Variants in RYR1 observed in about 807,000 individuals in gnomAD.
RYR1 encodes ryanodine receptor 1.
A neutral mutation model predicts 583.5 loss-of-function variants in RYR1; 342 were observed. The ratio of observed to expected loss-of-function variants is 0.59; its 90% CI spans 0.54 to 0.64. The LOEUF is 0.64. Among genes scored for constraint, RYR1 ranks in the 30% least tolerant of loss-of-function variants. The pLI is 0.00. For missense variants in RYR1, 6,032 were observed against 6,917.2 expected (o/e 0.87, Z 4.54); for synonymous variants, 2,791 against 2,822.5 (o/e 0.99, Z 0.35).
chr19:38,566,588 C>T (rs989262957), intron 91 of RYR1, among the ~76,000 whole-genome samples: 4 of 151,424 alleles, frequency 2.6e-5, no homozygotes, highest in African/African-American at 7.3e-5. Flanking sequence ...GAGGAAGGGA[C>T]CCCAAACATC....
chr19:38,555,873 CT>C (rs1245540238), intron 89 of RYR1, among the ~76,000 whole-genome samples: 1 of 151,766 alleles, frequency 6.6e-6, no homozygotes, highest in African/African-American at 2.4e-5. Flanking sequence ...AAATTTTCTT[CT>C]TTTTTTTGAG....
intron 99 of RYR1, 25 bp from the exon 100 acceptor site, chr19:38,579,957 G>C: frequency 1.2e-6 from 2 of 1,613,888 alleles, no homozygotes; most frequent in Non-Finnish European, 1.7e-6. Flanking sequence ...CCTTCCCCCT[G>C]ACCCCTGGCC....
intron 64 of RYR1, 63 bp downstream of exon 64, chr19:38,515,170 G>C (rs1568525233): frequency 8.0e-6 from 9 of 1,124,048 alleles, no homozygotes; most frequent in Non-Finnish European, 1.1e-5. Flanking sequence ...GGGAGCAGGG[G>C]AAGAAGATGG....
chr19:38,434,786 C>A (rs1348524711), intron 1 of RYR1, among the ~76,000 whole-genome samples: 1 of 152,096 alleles, frequency 6.6e-6, no homozygotes, highest in Non-Finnish European at 1.5e-5. Flanking sequence ...TGGGAGGGGA[C>A]GTCCTCTCCT....
At position 38,587,417 on chromosome 19, in the gene RYR1, C is replaced by T. The variant is rs1599679866; in HGVS notation, c.15114C>T (p.Ser5038=). 1.2e-6 allele frequency: 2 copies of T among 1,613,064 alleles called. No homozygotes were observed. Among genetic ancestry groups the T allele is most frequent in the Non-Finnish European group, 1.7e-6 (2 of 1,179,096 alleles). ...CFRKQYEDQL[S] is the part of the protein sequence containing the mutation. The stretch of plus-strand genomic sequence containing the variant: ...GTAAGCAGTATGAGGACCAGCTTAG[C>T]TGACACACCCCCAGCTGGCCCTCCA... The change falls in exon 106 of 106, where the codon AGC becomes AGT. Residue 5038 remains serine (S), a synonymous_variant. Transcript: ENST00000359596.
chr19:38,511,462 C>G, intron 60 of RYR1, 99 bp from the exon 61 acceptor site: 1 of 1,269,890 alleles, frequency 7.9e-7, no homozygotes, highest in South Asian at 1.2e-5. Flanking sequence ...TCCTTGTCTT[C>G]TCTGTCCCTG....
intron 71 of RYR1, 85 bp from the exon 72 acceptor site, chr19:38,526,908 G>A (rs1462916116): frequency 6.9e-7 from 1 of 1,446,074 alleles, no homozygotes; most frequent in African/African-American, 1.4e-5. Context: ...CAGTTCCTGG[G>A]GTGCTGGGCC....
At position 38,523,033 on chromosome 19, in the gene RYR1, A is replaced by G; in HGVS notation, c.10265A>G (p.Gln3422Arg). 5 of 1,588,912 alleles carry G rather than the reference A, an allele frequency of 3.1e-6. No homozygotes were observed. Among genetic ancestry groups the G allele is most frequent in the Non-Finnish European group, 2.6e-6 (3 of 1,169,146 alleles). Residue 3422 changes from glutamine to arginine, a missense_variant, in exon 68 of 106, where the codon CAG becomes CGG. Gln to Arg is a conservative substitution (Grantham distance 43, BLOSUM62 1). Around this residue, in one of 11 missense-constraint regions of RYR1, gnomAD observed 1,493 missense variants for 1,715.5 expected, o/e 0.87. Transcript: ENST00000359596. ...LIRYVDNNRA[Q>R]WLTEPNPSAE... Reference sequence around the variant, plus strand: ...CTCCCCTCCGCTGACCCCAGGGCGCAGTGGCTGACGGAGCCGAATCCCAGC... The same window carrying G: ...CTCCCCTCCGCTGACCCCAGGGCGCGGTGGCTGACGGAGCCGAATCCCAGC...
In RYR1 at chr19:38,469,360, C is replaced by T; in HGVS notation, c.3612C>T (p.Gly1204=). 6.2e-7 allele frequency: 1 copy of T among 1,614,082 alleles called. No homozygotes were observed. Among genetic ancestry groups the T allele is most frequent in the Non-Finnish European group, 8.5e-7 (1 of 1,180,026 alleles). ...GCCAGGTGGGTCATCTGAACCTGGG[C>T]CAGGACGTGAGCTCTCTGAGGTTCT... ...GPGQVGHLNL[G]QDVSSLRFFA... Residue 1204 remains glycine, a synonymous_variant, in exon 27 of 106, where the codon GGC becomes GGT. Coordinates refer to ENST00000359596, the MANE Select transcript of RYR1 (RefSeq NM_000540.3).
intron 90 of RYR1, among the ~76,000 whole-genome samples, chr19:38,563,345 A>G (rs938953062): frequency 4.0e-5 from 6 of 151,242 alleles, no homozygotes; most frequent in South Asian, 2.1e-4. Flanking sequence ...AGCTCACTCA[A>G]CCTCCACCTC....
chr19:38,586,085 T>C lies in RYR1; in HGVS notation c.14869-6T>C. 1 of 1,614,110 alleles carries C rather than the reference T, an allele frequency of 6.2e-7. No individual in the cohort carries two copies. The highest frequency in any genetic ancestry group is 8.5e-7 in the Non-Finnish European group (1 of 1,179,988). Reference sequence around the variant, plus strand: ...CCTCCACTCTGATGTCTCTTGCCACTCACAGACCAAGTGCTTCATCTGTGG... The same window carrying C: ...CCTCCACTCTGATGTCTCTTGCCACCCACAGACCAAGTGCTTCATCTGTGG... On this transcript the variant is annotated splice_polypyrimidine_tract_variant and splice_region_variant and intron_variant, in intron 103 of 105. Transcript: ENST00000359596.
rs1600694941 is a variant in RYR1 at position 38,461,418 on chromosome 19, C to T, written c.2577+827C>T. On this transcript the variant is annotated intron_variant, in intron 20 of 105. Coordinates refer to ENST00000359596, the MANE Select transcript of RYR1 (RefSeq NM_000540.3). ...GCAAAGGATTCTGTCAGAGCAGAAT[C>T]GCAGTCTCAGGGAGTCCTCACCACT... 6.6e-5 allele frequency among the ~76,000 whole-genome samples: 10 copies of T among 152,102 alleles called. No homozygotes were observed. In the South Asian group the frequency reaches 1.0e-3, roughly 16 times the overall value.
intron 90 of RYR1, among the ~76,000 whole-genome samples, chr19:38,562,113 A>C (rs1165179153): frequency 2.0e-5 from 3 of 151,766 alleles, no homozygotes; most frequent in Non-Finnish European, 4.4e-5. Context: ...GGCATGCTTC[A>C]TTTGTTCACT....
rs56366421 is a variant in RYR1 at position 38,572,435 on chromosome 19, A to G, written c.13998+165A>G. On this transcript the variant is annotated intron_variant, in intron 95 of 105. Coordinates refer to ENST00000359596, the MANE Select transcript of RYR1 (RefSeq NM_000540.3). ...AACTGGGTACAGGATTGGGGTCTCC[A>G]GCAAGGATGACAGGGGTCTCCAGTA... 0.014 allele frequency among the ~76,000 whole-genome samples: 2,114 copies of G among 152,150 alleles called. 50 individuals carry two copies. Among genetic ancestry groups the G allele is most frequent in the African/African-American group, 0.047 (1,940 of 41,482 alleles).
chr19:38,510,816 A>G, intron 60 of RYR1, 35 bp downstream of exon 60: 1 of 1,613,484 alleles, frequency 6.2e-7, no homozygotes, highest in Non-Finnish European at 8.5e-7. Flanking sequence ...CAGCCCCCTG[A>G]CCTCACAGGA....
intron 34 of RYR1, 83 bp downstream of exon 34, chr19:38,486,285 CTATT>C (rs1392423937): frequency 2.3e-5 from 34 of 1,508,290 alleles, no homozygotes; most frequent in Non-Finnish European, 3.1e-5. Flanking sequence ...CAATCCTCCT[CTATT>C]TATGCATCCA....
chr19:38,453,939 C>T (rs1403228875), intron 13 of RYR1, among the ~76,000 whole-genome samples: 4 of 152,102 alleles, frequency 2.6e-5, no homozygotes, highest in Admixed American at 2.0e-4. Flanking sequence ...GTGGCAGAGC[C>T]GGTCAGTGTG....
chr19:38,571,933 A>C, intron 94 of RYR1, 86 bp from the exon 95 acceptor site: 2 of 1,582,560 alleles, frequency 1.3e-6, no homozygotes, highest in Non-Finnish European at 1.7e-6. Context: ...GTATGGTCCC[A>C]GTCCAATCTC....
At chr19:38,478,918 C>T (rs1261007420) in intron 31 of RYR1, among the ~76,000 whole-genome samples, 4 of 152,170 alleles carry the variant, frequency 2.6e-5, no homozygotes, top group Non-Finnish European at 4.4e-5. Flanking sequence ...CAGGCGAGCA[C>T]CACAACAGCC....
Sources: allele counts gnomAD v4.1 joint callset (sites outside exome capture counted in the v4.1 genomes callset), GRCh38; gene constraint gnomAD v4.1.1; regional missense constraint gnomAD v4.1.1; transcripts MANE v1.5; gene names NCBI Gene and HGNC (gene_info 2026-07-23, HGNC 2026-07-21).